Variants in USP4 observed in about 807,000 individuals in gnomAD.
USP4 encodes ubiquitin carboxyl-terminal hydrolase 4.
A neutral mutation model predicts 118.2 loss-of-function variants in USP4; 72 were observed. The observed-to-expected ratio is 0.61, with a 90% CI of 0.50 to 0.74. USP4 has a LOEUF of 0.74. USP4 is among the 30% of genes least tolerant of loss of function. The pLI is 0.00. For synonymous variants in USP4, 415 were observed against 440.4 expected (o/e 0.94, Z 0.72); for missense variants, 1,037 against 1,185.7 (o/e 0.87, Z 1.84).
chr3:49,284,468 G>C lies in USP4; in HGVS notation c.2388C>G (p.Pro796=). Residue 796 remains proline, a splice_region_variant and synonymous_variant, in exon 18 of 22, where the codon CCC becomes CCG. Transcript: ENST00000265560. The part of the protein sequence containing the change: ...TTMETLGEHD[P]WYCPNCKKHQ... ...CCAGACAGTGAGGAGCTGCGTACCA[G>C]GGGTCATGCTCCCCAAGGGTCTCCA... is the stretch of plus-strand genomic sequence containing the variant. The C allele has an allele frequency of 6.2e-7, 1 of 1,613,164 alleles. No homozygotes were observed. Among genetic ancestry groups the C allele is most frequent in the Non-Finnish European group, 8.5e-7 (1 of 1,179,500 alleles).
chr3:49,316,276 A>T (rs1293832716), intron 6 of USP4, among the ~76,000 whole-genome samples: 1 of 151,426 alleles, frequency 6.6e-6, no homozygotes, highest in Admixed American at 6.6e-5. Context: ...ATAATGATAA[A>T]CTCTTTTAAT....
At chr3:49,293,465 AAAAC>A (rs145413345) in intron 14 of USP4, 2,841 of 154,598 alleles carry the variant, frequency 0.018, 91 homozygotes, top group African/African-American at 0.062. Flanking sequence ...CCATCTCAAA[AAAAC>A]AAACAAACAA....
intron 8 of USP4, 103 bp downstream of exon 8, chr3:49,310,517 T>C: frequency 1.1e-6 from 1 of 943,456 alleles, no homozygotes; most frequent in East Asian, 2.4e-5. Flanking sequence ...CAACAAGGGG[T>C]AGGCAGGGAC....
At chr3:49,307,428 A>AG (rs2047330588) in intron 8 of USP4, among the ~76,000 whole-genome samples, 1 of 152,102 alleles carries the variant, frequency 6.6e-6, no homozygotes, top group African/African-American at 2.4e-5. Flanking sequence ...AAAAAAAAAA[A>AG]AAGTGAGAAT....
intron 6 of USP4, among the ~76,000 whole-genome samples, chr3:49,320,673 T>C (rs2047489920): frequency 6.6e-6 from 1 of 152,212 alleles, no homozygotes; most frequent in Admixed American, 6.5e-5. Flanking sequence ...ATTTAACTCA[T>C]CTACAGTGAT....
At chr3:49,281,075 C>T (rs945577129) in intron 19 of USP4, among the ~76,000 whole-genome samples, 1 of 152,064 alleles carries the variant, frequency 6.6e-6, no homozygotes, top group African/African-American at 2.4e-5. Context: ...AATCCCAGCA[C>T]TTTGGGGGGC....
chr3:49,280,559 CA>C (rs371988656), intron 20 of USP4, among the ~76,000 whole-genome samples, 184 bp downstream of exon 20: 262 of 52,556 alleles, frequency 5.0e-3, no homozygotes, highest in South Asian at 0.016. Flanking sequence ...GACTCCGTCT[CA>C]AAAAAAAAAA....
At chr3:49,323,671 C>A (rs1219211300) in intron 6 of USP4, among the ~76,000 whole-genome samples, 1 of 152,112 alleles carries the variant, frequency 6.6e-6, no homozygotes, top group Non-Finnish European at 1.5e-5. Context: ...TCATAGTTTT[C>A]ATGGTTCTCA....
chr3:49,277,200 C>T lies in USP4; in HGVS notation c.*1093G>A. The T allele has an allele frequency of 7.4e-7, 1 of 1,349,280 alleles. No homozygotes were observed. 83.6% of individuals were successfully genotyped at this position (1,349,280 alleles called of 1,614,324 possible). A position where few individuals can be genotyped will look rare whatever the true frequency, so the allele number is the denominator to read the frequency against. On this transcript the variant is annotated 3_prime_UTR_variant, in exon 22 of 22. Transcript: ENST00000265560. ...CTTGTCCTCACCCGCAGCGCAGTGA[C>T]GCCGACCCATCCAACGGTCATCGCA...
rs754133896 is a variant in USP4 at position 49,302,523 on chromosome 3, G to A, written c.1148C>T (p.Ala383Val). Residue 383 changes from alanine to valine, a missense_variant, in exon 10 of 22, where the codon GCT (alanine) becomes GTT (valine). Ala to Val is a moderately conservative substitution (Grantham distance 64). Transcript: ENST00000265560. ...TTGCTGGTAGCCAGAAAATTGAGGA[G>A]CAAAACGTCCTACTTGAGTCTACAA... ...RMFKTQVGRF[A>V]PQFSGYQQQD... The A allele has an allele frequency of 6.2e-7, 1 of 1,613,912 alleles. No individual in the cohort carries two copies. Among genetic ancestry groups the A allele is most frequent in the Non-Finnish European group, 8.5e-7 (1 of 1,179,914 alleles).
In USP4 at chr3:49,305,741, C is replaced by T. The variant is rs546430537; in HGVS notation, c.1102G>A (p.Ala368Thr). 25 of 1,611,062 alleles carry T rather than the reference C, an allele frequency of 1.6e-5. No individual in the cohort carries two copies. Among genetic ancestry groups the T allele is most frequent in the Admixed American group, 3.4e-5 (2 of 59,390 alleles). ...LIKQMWSGRD[A>T]HVAPRMFKTQ... ...TTGAACATGCGAGGTGCCACATGGG[C>T]GTCCCTTCCAGACCACATCTGCTTA... The change falls in exon 9 of 22, where the codon GCC becomes ACC. Residue 368 changes from alanine (A) to threonine (T), a missense_variant. This residue lies in a region of USP4 where 487 missense variants were observed against 534.1 expected (regional missense o/e 0.91). Transcript: ENST00000265560.
chr3:49,323,973 AG>A (rs1559478488), intron 6 of USP4, among the ~76,000 whole-genome samples: 3 of 152,094 alleles, frequency 2.0e-5, no homozygotes, highest in Non-Finnish European at 4.4e-5. Flanking sequence ...GGGCAGAAAC[AG>A]GTAGAATCAA....
rs1245921720 is a variant in USP4 at position 49,284,835 on chromosome 3, C to T, written c.2271+14G>A. 1 of 1,613,092 alleles carries T rather than the reference C, an allele frequency of 6.2e-7. No homozygotes were observed. The highest frequency in any genetic ancestry group is 8.5e-7 in the Non-Finnish European group (1 of 1,179,274). ...CCAGCAGACACCACCGACCACGAAC[C>T]CCGAGGGACCTACCTCAGATTCTTG... is the stretch of plus-strand genomic sequence containing the variant. On this transcript the variant is annotated intron_variant, in intron 17 of 21. Coordinates refer to ENST00000265560, the MANE Select transcript of USP4 (RefSeq NM_003363.4).
intron 7 of USP4, 142 bp from the exon 8 acceptor site, chr3:49,310,879 C>A (rs2047375567): frequency 1.6e-6 from 1 of 642,422 alleles, no homozygotes; most frequent in Non-Finnish European, 2.8e-6. Context: ...CCCTCCCCTG[C>A]CCTCCAGACC....
intron 2 of USP4, 47 bp downstream of exon 2, chr3:49,335,422 C>T: frequency 6.2e-7 from 1 of 1,613,376 alleles, no homozygotes; most frequent in Non-Finnish European, 8.5e-7. Flanking sequence ...TAACATCAGG[C>T]CACTGCCCAG....
intron 2 of USP4, among the ~76,000 whole-genome samples, chr3:49,328,043 T>C (rs1180375613): frequency 2.0e-5 from 3 of 152,034 alleles, no homozygotes; most frequent in African/African-American, 7.2e-5. Context: ...TCTTCTATAA[T>C]TGGAGGGAGA....
chr3:49,299,748 C>T lies in USP4; in HGVS notation c.1512+719G>A, dbSNP rs371792520. Among the ~76,000 whole-genome samples, 18 of 152,220 alleles carry T rather than the reference C, an allele frequency of 1.2e-4. No homozygotes were observed. The East Asian group carries it at 2.5e-3, about 21-fold the overall frequency. On this transcript the variant is annotated intron_variant, in intron 11 of 21. Coordinates refer to ENST00000265560, the MANE Select transcript of USP4 (RefSeq NM_003363.4). ...ACCAGAAGGCTAAGCAATACAATTA[C>T]TCAGTGAGCCATCAGCAGGGTAAGA...
intron 2 of USP4, among the ~76,000 whole-genome samples, chr3:49,334,764 G>A (rs2047652540): frequency 6.6e-6 from 1 of 152,064 alleles, no homozygotes; most frequent in East Asian, 1.9e-4. Context: ...TGATCCACCT[G>A]CCTTGGCCTC....
chr3:49,339,824 C>T lies in USP4; in HGVS notation c.101+100G>A, dbSNP rs1433619459. Reference sequence around the variant, plus strand: ...TCAGGCTACTCTTCCAGGGTCACTACATACCATCCCCGCCCAGCCCCTACT... The same window carrying T: ...TCAGGCTACTCTTCCAGGGTCACTATATACCATCCCCGCCCAGCCCCTACT... On this transcript the variant is annotated intron_variant, in intron 1 of 21. Coordinates refer to ENST00000265560, the MANE Select transcript of USP4 (RefSeq NM_003363.4). 3.2e-6 allele frequency: 3 copies of T among 948,130 alleles called. No individual in the cohort carries two copies. The African/African-American group carries it at 4.9e-5, about 16-fold the overall frequency. The allele number at this position is 948,130 out of a possible 1,614,324, so 58.7% of individuals were successfully genotyped here. A position where few individuals can be genotyped will look rare whatever the true frequency, so the allele number is the denominator to read the frequency against.
Sources: gnomAD v4.1 joint callset for allele counts (sites outside exome capture counted in the v4.1 genomes callset) on GRCh38, gnomAD v4.1.1 for gene constraint, gnomAD v4.1.1 regional missense constraint, MANE v1.5 for transcripts, NCBI Gene and HGNC (gene_info 2026-07-23, HGNC 2026-07-21) for gene names.